Variants in RFX4 observed in about 807,000 individuals in gnomAD.
The protein encoded by RFX4 is regulatory factor X4, also known as transcription factor RFX4.
RFX4 carries 10 observed loss-of-function variants against 95.0 expected under a neutral mutation model. The observed-to-expected ratio is 0.11, with a 90% CI of 0.06 to 0.18. The LOEUF is 0.18. Among genes scored for constraint, RFX4 ranks in the 10% least tolerant of loss-of-function variants. The probability of loss-of-function intolerance (pLI) is 1.00; values close to 1 mark genes in which losing one functional copy is unlikely to be tolerated. For synonymous variants in RFX4, 321 were observed against 340.7 expected, an observed-to-expected ratio of 0.94 and a Z score of 0.64; for missense variants, 640 against 922.0, an observed-to-expected ratio of 0.69 and a Z score of 3.96.
At chr12:106,623,614 C>T (rs183811088) in intron 2 of RFX4, among the ~76,000 whole-genome samples, 13 of 152,226 alleles carry the variant, frequency 8.5e-5, no homozygotes, top group South Asian at 2.1e-4. Flanking sequence ...AAATTACTTA[C>T]GAGGGAAAAA....
intron 13 of RFX4, among the ~76,000 whole-genome samples, chr12:106,721,133 G>A (rs1395952552): frequency 6.6e-6 from 1 of 152,082 alleles, no homozygotes; most frequent in Non-Finnish European, 1.5e-5. Context: ...ATAAATTGCA[G>A]TGGCTGTACT....
At chr12:106,653,950 C>G (rs2137318701) in intron 3 of RFX4, among the ~76,000 whole-genome samples, 1 of 152,230 alleles carries the variant, frequency 6.6e-6, no homozygotes, top group Non-Finnish European at 1.5e-5. Context: ...AGAACAAGGC[C>G]AGGTCAATGA....
intron 2 of RFX4, among the ~76,000 whole-genome samples, chr12:106,609,500 G>C (rs1042041193): frequency 2.0e-5 from 3 of 152,170 alleles, no homozygotes; most frequent in Non-Finnish European, 4.4e-5. Context: ...ATTTTTTGCA[G>C]AGTCAGAAGT....
At chr12:106,590,601 C>G (rs540734250) in intron 1 of RFX4, among the ~76,000 whole-genome samples, 2 of 152,158 alleles carry the variant, frequency 1.3e-5, no homozygotes, top group Non-Finnish European at 2.9e-5. Flanking sequence ...GGAGACCTAG[C>G]TTTTCATTTG....
intron 8 of RFX4, among the ~76,000 whole-genome samples, chr12:106,705,384 G>C (rs1015447791): frequency 3.3e-5 from 5 of 152,368 alleles, no homozygotes; most frequent in Non-Finnish European, 4.4e-5. Context: ...GGGAGGAAAA[G>C]TGTGTCCCTA....
At chr12:106,750,940 A>ATTTATTTT (rs2042990862) in intron 17 of RFX4, 147 bp downstream of exon 17, 1 of 674,396 alleles carries the variant, frequency 1.5e-6, no homozygotes, top group Non-Finnish European at 2.0e-6. Context: ...TTATTTATTT[A>ATTTATTTT]TTTTTATTAT....
chr12:106,674,400 G>T (rs186800927), intron 4 of RFX4, among the ~76,000 whole-genome samples: 1,594 of 149,114 alleles, frequency 0.011, 8 homozygotes, highest in Non-Finnish European at 0.017. Context: ...GTGTGATCTC[G>T]GCTCACTGCA....
intron 10 of RFX4, among the ~76,000 whole-genome samples, chr12:106,714,338 C>T (rs2042248704): frequency 1.3e-5 from 2 of 152,162 alleles, no homozygotes; most frequent in Admixed American, 1.3e-4. Context: ...GGACACCTGA[C>T]CTTTCCATTC....
intron 15 of RFX4, 117 bp from the exon 16 acceptor site, chr12:106,747,320 C>A: frequency 9.2e-7 from 1 of 1,091,138 alleles, no homozygotes; most frequent in Non-Finnish European, 1.3e-6. Context: ...GTCAGAGATA[C>A]ATGTCTTATA....
chr12:106,754,465 G>T, intron 17 of RFX4, among the ~76,000 whole-genome samples: 1 of 152,234 alleles, frequency 6.6e-6, no homozygotes, highest in East Asian at 1.9e-4. Flanking sequence ...TGCCTGCTTT[G>T]GTAGAGCTTA....
chr12:106,603,809 T>C (rs2039764003), intron 1 of RFX4, among the ~76,000 whole-genome samples: 1 of 152,210 alleles, frequency 6.6e-6, no homozygotes, highest in Admixed American at 6.5e-5. Flanking sequence ...TATCTATAAA[T>C]AGAGATATGA....
Position 106,732,044 on chromosome 12 carries a change from CT to C in RFX4, c.1352-85del. The C allele has an allele frequency of 3.2e-6, 5 of 1,553,412 alleles. No homozygotes were observed. In the South Asian group the frequency reaches 6.0e-5, roughly 19 times the overall value. On this transcript the variant is annotated intron_variant, in intron 13 of 17. Coordinates refer to ENST00000392842, the MANE Select transcript of RFX4 (RefSeq NM_213594.3). ...ACTCTTGAGCAGAGCATTTAGAACA[CT>C]GTGTAACTTGTGCAGTTGACCAGAC...
intron 3 of RFX4, among the ~76,000 whole-genome samples, chr12:106,650,002 G>GTTCA (rs2040828009): frequency 6.6e-6 from 1 of 152,110 alleles, no homozygotes; most frequent in Non-Finnish European, 1.5e-5. Flanking sequence ...GGTCTCCTGT[G>GTTCA]TTCATTCATT....
At chr12:106,648,567 T>A (rs1196224298) in intron 3 of RFX4, among the ~76,000 whole-genome samples, 4 of 149,202 alleles carry the variant, frequency 2.7e-5, no homozygotes, top group Admixed American at 2.7e-4. Context: ...TTAATATTTT[T>A]AAAAATCCTG....
At chr12:106,617,592 G>T (rs986709539) in intron 2 of RFX4, among the ~76,000 whole-genome samples, 2 of 152,176 alleles carry the variant, frequency 1.3e-5, no homozygotes, top group African/African-American at 4.8e-5. Context: ...TGTGGTCACA[G>T]AACACATTCT....
At chr12:106,669,221 G>A (rs558784108) in intron 4 of RFX4, among the ~76,000 whole-genome samples, 5 of 152,300 alleles carry the variant, frequency 3.3e-5, no homozygotes, top group African/African-American at 1.2e-4. Flanking sequence ...TTTGGTGGCA[G>A]GTCTCCCCCT....
intron 10 of RFX4, among the ~76,000 whole-genome samples, chr12:106,714,608 T>G (rs2042255056): frequency 6.6e-6 from 1 of 152,198 alleles, no homozygotes; most frequent in African/African-American, 2.4e-5. Context: ...TGATCCTAGA[T>G]ACATATTTTT....
intron 2 of RFX4, among the ~76,000 whole-genome samples, chr12:106,609,573 C>T (rs555126191): frequency 6.6e-6 from 1 of 152,294 alleles, no homozygotes; most frequent in East Asian, 1.9e-4. Context: ...GCATGAGCCC[C>T]GGCCCACCTG....
intron 2 of RFX4, among the ~76,000 whole-genome samples, chr12:106,633,625 T>C (rs1231569491): frequency 6.6e-6 from 1 of 152,240 alleles, no homozygotes; most frequent in East Asian, 1.9e-4. Flanking sequence ...ATGAGTCAAG[T>C]TGCTGCTCAA....
Sources: allele counts gnomAD v4.1 joint callset (sites outside exome capture counted in the v4.1 genomes callset), GRCh38; gene constraint gnomAD v4.1.1; transcripts MANE v1.5; gene names NCBI Gene and HGNC (gene_info 2026-07-23, HGNC 2026-07-21).